TENM4: variants seen among roughly 807,000 people sequenced by gnomAD.
TENM4 encodes the protein teneurin transmembrane protein 4, also known as teneurin-4.
A neutral mutation model predicts 243.3 loss-of-function variants in TENM4; 82 were observed. The observed-to-expected ratio is 0.34, with a 90% confidence interval of 0.28 to 0.40. The LOEUF is 0.40. Ranked by LOEUF, TENM4 falls within the 10% of genes least tolerant of loss-of-function variation. The pLI, the probability that TENM4 is intolerant of heterozygous loss-of-function variation, is 1.00. For missense variants in TENM4, 3,138 were observed against 3,673.3 expected (o/e 0.85, Z 3.77); for synonymous variants, 1,412 against 1,456.3 (o/e 0.97, Z 0.69).
chr11:78,811,189 G>A (rs1565388895), intron 14 of TENM4, among the ~76,000 whole-genome samples: 1 of 152,180 alleles, frequency 6.6e-6, no homozygotes, highest in Non-Finnish European at 1.5e-5. Flanking sequence ...GGGCCAGGAT[G>A]CAAACCTATA....
chr11:79,039,907 C>T (rs1487840496), intron 6 of TENM4, among the ~76,000 whole-genome samples: 1 of 152,162 alleles, frequency 6.6e-6, no homozygotes, highest in Non-Finnish European at 1.5e-5. Context: ...GACATGTACT[C>T]AGTGCTTGCT....
intron 4 of TENM4, among the ~76,000 whole-genome samples, chr11:79,117,622 G>A (rs1033624264): frequency 6.6e-6 from 1 of 152,186 alleles, no homozygotes; most frequent in Non-Finnish European, 1.5e-5. Context: ...GTTCAAGCCA[G>A]TTCCAAGTGT....
chr11:79,091,327 T>A (rs1860944051), intron 4 of TENM4, among the ~76,000 whole-genome samples: 1 of 152,208 alleles, frequency 6.6e-6, no homozygotes, highest in Non-Finnish European at 1.5e-5. Flanking sequence ...AAGAAGTCCG[T>A]CATAAATGGC....
Position 78,676,392 on chromosome 11 carries a change from A to T in TENM4, c.5261-5T>A. 6.3e-7 allele frequency: 1 copy of T among 1,589,580 alleles called. No individual in the cohort carries two copies. The highest frequency in any genetic ancestry group is 8.6e-7 in the Non-Finnish European group (1 of 1,161,638). ...AGTAGCTGTTCCGGACTTGGTCTGC[A>T]GGAGAGGACAAGCACAGACTGCTCA... is the stretch of plus-strand genomic sequence containing the variant. On this transcript the variant is annotated splice_region_variant and splice_polypyrimidine_tract_variant and intron_variant, in intron 29 of 33. Coordinates refer to ENST00000278550, the MANE Select transcript of TENM4 (RefSeq NM_001098816.3).
intron 1 of TENM4, among the ~76,000 whole-genome samples, chr11:79,304,619 G>T (rs1856598045): frequency 6.6e-6 from 1 of 152,158 alleles, no homozygotes; most frequent in African/African-American, 2.4e-5. Flanking sequence ...GAGCAGTCAT[G>T]GTGGTGTGAA....
chr11:79,147,645 T>C (rs190034432), intron 4 of TENM4, among the ~76,000 whole-genome samples: 140 of 152,236 alleles, frequency 9.2e-4, no homozygotes, highest in Middle Eastern at 3.4e-3. Flanking sequence ...CTGCCATTAC[T>C]TATAATCATA....
intron 7 of TENM4, among the ~76,000 whole-genome samples, chr11:78,894,979 T>TA (rs67819510): frequency 0.015 from 920 of 59,448 alleles, 22 homozygotes; most frequent in African/African-American, 0.041. Context: ...GACTCGGCCT[T>TA]AAAAAAAAAA....
intron 1 of TENM4, among the ~76,000 whole-genome samples, chr11:79,317,687 G>A (rs1394851582): frequency 1.3e-5 from 2 of 152,188 alleles, no homozygotes; most frequent in Admixed American, 6.5e-5. Flanking sequence ...ACTGCAGCAT[G>A]TCTGACCTCA....
chr11:78,667,453 T>C (rs1482925439), intron 32 of TENM4, among the ~76,000 whole-genome samples: 2 of 152,196 alleles, frequency 1.3e-5, no homozygotes. Flanking sequence ...CTGTATTATA[T>C]GTGCTGCCTT....
intron 6 of TENM4, among the ~76,000 whole-genome samples, chr11:78,946,264 A>C (rs753297222): frequency 6.6e-6 from 1 of 152,242 alleles, no homozygotes; most frequent in Non-Finnish European, 1.5e-5. Flanking sequence ...CCAAAATCCC[A>C]GTGCCCTTAA....
intron 18 of TENM4, 116 bp downstream of exon 18, chr11:78,770,876 C>T (rs1482905000): frequency 7.2e-7 from 1 of 1,397,738 alleles, no homozygotes; most frequent in African/African-American, 1.4e-5. Context: ...CCCCGCAGGT[C>T]CCCCTGACTG....
intron 4 of TENM4, among the ~76,000 whole-genome samples, chr11:79,074,586 C>G (rs780456293): frequency 1.3e-5 from 2 of 152,222 alleles, no homozygotes; most frequent in Non-Finnish European, 2.9e-5. Context: ...AGCAACCTGT[C>G]TCTCGCAGAC....
chr11:78,801,666 C>T (rs950075973), intron 15 of TENM4, among the ~76,000 whole-genome samples: 8 of 152,314 alleles, frequency 5.3e-5, no homozygotes, highest in Non-Finnish European at 7.4e-5. Flanking sequence ...CAGCAAGACA[C>T]TCATCTCAGG....
intron 3 of TENM4, among the ~76,000 whole-genome samples, chr11:79,178,644 G>C (rs1322830631): frequency 6.6e-6 from 1 of 152,204 alleles, no homozygotes; most frequent in Non-Finnish European, 1.5e-5. Context: ...TGCAGGTCCT[G>C]GGGCCCTTGA....
intron 6 of TENM4, among the ~76,000 whole-genome samples, chr11:78,985,485 A>C (rs1436068161): frequency 6.6e-6 from 1 of 152,304 alleles, no homozygotes; most frequent in South Asian, 2.1e-4. Context: ...GGCGTAAAAT[A>C]GTTTAAAGCC....
intron 1 of TENM4, among the ~76,000 whole-genome samples, chr11:79,354,100 T>A (rs1383903911): frequency 6.6e-6 from 1 of 152,248 alleles, no homozygotes; most frequent in Non-Finnish European, 1.5e-5. Context: ...ACTTACAAAG[T>A]CAGTTTATAA....
chr11:79,391,847 T>C (rs946734530), intron 1 of TENM4, among the ~76,000 whole-genome samples: 1 of 152,228 alleles, frequency 6.6e-6, no homozygotes, highest in Non-Finnish European at 1.5e-5. Flanking sequence ...TGATGGACTG[T>C]GGACATGCAT....
chr11:78,716,368 T>C (rs1590962937), intron 25 of TENM4, among the ~76,000 whole-genome samples: 1 of 152,232 alleles, frequency 6.6e-6, no homozygotes, highest in Admixed American at 6.5e-5. Context: ...CTTACAAAGT[T>C]TATACTTTTA....
intron 28 of TENM4, among the ~76,000 whole-genome samples, chr11:78,698,852 C>T (rs1182972170): frequency 1.3e-5 from 2 of 152,204 alleles, no homozygotes; most frequent in Non-Finnish European, 2.9e-5. Flanking sequence ...TTGCTTCATT[C>T]TCAGCCTGAG....
Sources: gnomAD v4.1 joint callset for allele counts (sites outside exome capture counted in the v4.1 genomes callset) on GRCh38, gnomAD v4.1.1 for gene constraint, MANE v1.5 for transcripts, NCBI Gene and HGNC (gene_info 2026-07-23, HGNC 2026-07-21) for gene names.